INPP4B: variants seen among roughly 807,000 people sequenced by gnomAD.
The protein encoded by INPP4B is inositol polyphosphate 4-phosphatase type II.
INPP4B carries 55 observed loss-of-function variants against 122.5 expected under a neutral mutation model. The ratio of observed to expected loss-of-function variants is 0.45; its 90% confidence interval spans 0.36 to 0.56. The LOEUF is 0.56. Among genes scored for constraint, INPP4B ranks in the 20% least tolerant of loss-of-function variants. The pLI, the probability that INPP4B is intolerant of heterozygous loss-of-function variation, is 0.00. For synonymous variants in INPP4B, 403 were observed against 388.7 expected (o/e 1.04, Z -0.43); for missense variants, 1,000 against 1,097.7 (o/e 0.91, Z 1.26).
Position 142,384,154 on chromosome 4 carries a change from G to C in INPP4B, c.372+18784C>G, listed in dbSNP as rs141990137. ...AGTGTGATCAGTAAGTTTCCAATCTGACATAGCTTCTAAAAATGTTCAAGA... is the reference window on the plus strand; with the variant it reads ...AGTGTGATCAGTAAGTTTCCAATCTCACATAGCTTCTAAAAATGTTCAAGA... On this transcript the variant is annotated intron_variant, in intron 7 of 25. Coordinates refer to ENST00000262992, the MANE Select transcript of INPP4B (RefSeq NM_001101669.3). 12 of 701,670 alleles carry C rather than the reference G, an allele frequency of 1.7e-5. No homozygotes were observed. In the African/African-American group the frequency reaches 2.1e-4, roughly 12 times the overall value. The allele number at this position is 701,670 out of a possible 1,614,324, so 43.5% of individuals were successfully genotyped here. A position where few individuals can be genotyped will look rare whatever the true frequency, so the allele number is the denominator to read the frequency against.
intron 3 of INPP4B, among the ~76,000 whole-genome samples, chr4:142,457,368 C>T (rs893650318): frequency 6.6e-6 from 1 of 152,160 alleles, no homozygotes; most frequent in Non-Finnish European, 1.5e-5. Flanking sequence ...GAAAAAATAT[C>T]TGCAAAACTT....
chr4:142,456,449 T>C (rs959486613), intron 3 of INPP4B, among the ~76,000 whole-genome samples: 6 of 152,090 alleles, frequency 3.9e-5, no homozygotes, highest in African/African-American at 1.4e-4. Flanking sequence ...TCTGTGGCTT[T>C]GTTCTTGGGC....
In INPP4B at chr4:142,115,556, A is replaced by G. The variant is rs1027120938; in HGVS notation, c.2136-2874T>C. ...TCAACCCAGAATTTCATATCCAGCC[A>G]AACTAAGCTTCATAAGTGGAGGAGA... On this transcript the variant is annotated intron_variant, in intron 21 of 25. Coordinates refer to ENST00000262992, the MANE Select transcript of INPP4B (RefSeq NM_001101669.3). Among the ~76,000 whole-genome samples the G allele has an allele frequency of 8.5e-5, 13 of 152,308 alleles. No individual in the cohort carries two copies. The East Asian group carries it at 2.5e-3, about 29-fold the overall frequency.
At chr4:142,656,328 A>G (rs548350229) in intron 2 of INPP4B, among the ~76,000 whole-genome samples, 22 of 152,300 alleles carry the variant, frequency 1.4e-4, no homozygotes, top group Non-Finnish European at 2.9e-4. Flanking sequence ...AGAACTAAGG[A>G]AAGTCCTGCA....
At chr4:142,812,540 C>T (rs533081269) in intron 1 of INPP4B, among the ~76,000 whole-genome samples, 23 of 152,080 alleles carry the variant, frequency 1.5e-4, no homozygotes, top group African/African-American at 5.5e-4. Flanking sequence ...TTCTTGCCTA[C>T]TGTATTGTAA....
chr4:142,545,111 A>G (rs997078639), intron 2 of INPP4B, among the ~76,000 whole-genome samples: 1 of 151,736 alleles, frequency 6.6e-6, no homozygotes, highest in Admixed American at 6.6e-5. Flanking sequence ...ATTTAAATGT[A>G]TCTGTGTTAA....
intron 2 of INPP4B, among the ~76,000 whole-genome samples, chr4:142,692,732 T>C (rs1320656685): frequency 5.3e-5 from 8 of 152,188 alleles, no homozygotes; most frequent in African/African-American, 1.7e-4. Flanking sequence ...GCCCTTTCAC[T>C]GTGGTGGCCT....
chr4:142,119,179 C>T (rs1483678870), intron 21 of INPP4B, among the ~76,000 whole-genome samples: 1 of 152,102 alleles, frequency 6.6e-6, no homozygotes, highest in African/African-American at 2.4e-5. Flanking sequence ...GAAATAGGAA[C>T]ACTTTTATAC....
chr4:142,027,188 G>GTAAT lies in INPP4B; in HGVS notation c.*1590_*1593dup, dbSNP rs1737267119. 1 of 152,102 alleles carries GTAAT rather than the reference G, an allele frequency of 6.6e-6. No individual in the cohort carries two copies. The highest frequency in any genetic ancestry group is 2.4e-5 in the African/African-American group (1 of 41,418). The allele number at this position is 152,102 out of a possible 1,614,324, so 9.4% of individuals were successfully genotyped here. Reference sequence around the variant, plus strand: ...CCTGCCTCAAGTATAATGCCCACAGGTAATTAGCTAAAATAAAAAATTGAT... The same window carrying GTAAT: ...CCTGCCTCAAGTATAATGCCCACAGGTAATTAATTAGCTAAAATAAAAAATTGAT... On this transcript the variant is annotated 3_prime_UTR_variant, in exon 26 of 26. Coordinates refer to ENST00000262992, the MANE Select transcript of INPP4B (RefSeq NM_001101669.3).
intron 7 of INPP4B, among the ~76,000 whole-genome samples, chr4:142,358,818 G>A (rs1561925553): frequency 1.3e-5 from 2 of 152,092 alleles, no homozygotes; most frequent in African/African-American, 4.8e-5. Flanking sequence ...GGCTTGGGAA[G>A]CTGTATGCTT....
At chr4:142,399,542 C>A (rs1800915731) in intron 7 of INPP4B, among the ~76,000 whole-genome samples, 2 of 152,042 alleles carry the variant, frequency 1.3e-5, no homozygotes, top group Non-Finnish European at 2.9e-5. Context: ...ACTCAGAATC[C>A]CACAGCTTGA....
intron 2 of INPP4B, among the ~76,000 whole-genome samples, chr4:142,615,937 T>C (rs1022027831): frequency 1.3e-5 from 2 of 152,122 alleles, no homozygotes; most frequent in Non-Finnish European, 2.9e-5. Context: ...AAATTCATAA[T>C]GTGCCTAAAC....
chr4:142,126,814 T>C (rs1436151943), intron 18 of INPP4B, among the ~76,000 whole-genome samples: 2 of 152,126 alleles, frequency 1.3e-5, no homozygotes, highest in Non-Finnish European at 2.9e-5. Flanking sequence ...CATCAATAGA[T>C]ACCAAGAATG....
At chr4:142,298,446 G>T (rs1192039890) in intron 9 of INPP4B, among the ~76,000 whole-genome samples, 1 of 149,640 alleles carries the variant, frequency 6.7e-6, no homozygotes, top group Non-Finnish European at 1.5e-5. Context: ...CAGCACTTTG[G>T]GAGGCCGAGT....
chr4:142,285,287 G>T (rs1426948536), intron 9 of INPP4B, among the ~76,000 whole-genome samples: 1 of 151,994 alleles, frequency 6.6e-6, no homozygotes, highest in Non-Finnish European at 1.5e-5. Flanking sequence ...ATCACAAGAA[G>T]TCTGGGAGGA....
chr4:142,449,519 T>C (rs1242185137), intron 3 of INPP4B, among the ~76,000 whole-genome samples: 1 of 151,896 alleles, frequency 6.6e-6, no homozygotes, highest in African/African-American at 2.4e-5. Flanking sequence ...CTGGCCAACA[T>C]GGTGAAACCC....
At chr4:142,114,437 C>T (rs1392038565) in intron 21 of INPP4B, among the ~76,000 whole-genome samples, 1 of 152,020 alleles carries the variant, frequency 6.6e-6, no homozygotes, top group Admixed American at 6.6e-5. Flanking sequence ...ACATCCTCAC[C>T]AACATTTGCT....
At chr4:142,334,756 T>C (rs1282962766) in intron 7 of INPP4B, among the ~76,000 whole-genome samples, 1 of 152,240 alleles carries the variant, frequency 6.6e-6, no homozygotes, top group African/African-American at 2.4e-5. Context: ...CTTCTTTGGA[T>C]AAATGTCTGT....
In INPP4B at chr4:142,027,544, G is replaced by T. The variant is rs563709213; in HGVS notation, c.*1238C>A. On this transcript the variant is annotated 3_prime_UTR_variant, in exon 26 of 26. Transcript: ENST00000262992. ...ATAAATCCTAATTTCTTTTTAACTAGCATTCTCCCTCAATTTTCATGCATA... is the reference window on the plus strand; with the variant it reads ...ATAAATCCTAATTTCTTTTTAACTATCATTCTCCCTCAATTTTCATGCATA... 4 of 152,270 alleles carry T rather than the reference G, an allele frequency of 2.6e-5. No individual in the cohort carries two copies. The highest frequency in any genetic ancestry group is 9.6e-5 in the African/African-American group (4 of 41,564). 9.4% of individuals were successfully genotyped at this position (152,270 alleles called of 1,614,324 possible). A position where few individuals can be genotyped will look rare whatever the true frequency, so the allele number is the denominator to read the frequency against.
Sources: gnomAD v4.1 joint callset for allele counts (sites outside exome capture counted in the v4.1 genomes callset) on GRCh38, gnomAD v4.1.1 for gene constraint, MANE v1.5 for transcripts, NCBI Gene and HGNC (gene_info 2026-07-23, HGNC 2026-07-21) for gene names.